The following INO80C variants were observed in gnomAD, a reference collection of about 807,000 sequenced individuals.
The protein encoded by INO80C is IES6 homolog.
INO80C carries 17 observed loss-of-function variants against 17.7 expected under a neutral mutation model. The ratio of observed to expected loss-of-function variants is 0.96; its 90% confidence interval spans 0.66 to 1.44. The LOEUF (loss-of-function observed/expected upper bound fraction) is 1.44, where lower values mean the gene tolerates loss of function less well. Among genes scored for constraint, INO80C ranks in the 40% most tolerant of loss-of-function variants. The pLI, the probability that INO80C is intolerant of heterozygous loss-of-function variation, is 0.00. For synonymous variants in INO80C, 96 were observed against 95.8 expected, an observed-to-expected ratio of 1.00 and a Z score of -0.01; for missense variants, 244 against 245.0, an observed-to-expected ratio of 1.00 and a Z score of 0.03.
intron 4 of INO80C, among the ~76,000 whole-genome samples, chr18:35,472,446 G>C (rs890180671): frequency 7.2e-5 from 11 of 152,136 alleles, no homozygotes; most frequent in African/African-American, 2.7e-4. Context: ...TTTTTGATGG[G>C]GTTGTTTTTT....
intron 4 of INO80C, among the ~76,000 whole-genome samples, chr18:35,477,064 C>A (rs1416306316): frequency 5.3e-5 from 8 of 152,046 alleles, no homozygotes; most frequent in Non-Finnish European, 1.0e-4. Context: ...GCCAACATGG[C>A]AAAACCTCAT....
intron 4 of INO80C, among the ~76,000 whole-genome samples, chr18:35,476,024 C>T (rs1028010706): frequency 2.0e-5 from 3 of 152,116 alleles, no homozygotes; most frequent in Admixed American, 6.5e-5. Flanking sequence ...AGAAGTCCCT[C>T]ACATTATGCA....
intron 2 of INO80C, among the ~76,000 whole-genome samples, chr18:35,480,164 T>A (rs1195978539): frequency 6.6e-6 from 1 of 152,156 alleles, no homozygotes; most frequent in African/African-American, 2.4e-5. Flanking sequence ...TCTAAGATTG[T>A]AAGACCAATG....
chr18:35,470,883 G>A (rs2045661687), intron 4 of INO80C, among the ~76,000 whole-genome samples: 2 of 152,200 alleles, frequency 1.3e-5, no homozygotes, highest in African/African-American at 4.8e-5. Context: ...GCCATCCTTT[G>A]AGCCTGAGTG....
intron 1 of INO80C, among the ~76,000 whole-genome samples, chr18:35,493,030 A>C (rs2045947231): frequency 6.6e-6 from 1 of 152,230 alleles, no homozygotes; most frequent in Admixed American, 6.5e-5. Flanking sequence ...GTTAAGAAAA[A>C]AGAATGTAGA....
At chr18:35,482,575 G>A (rs1258729618) in intron 1 of INO80C, among the ~76,000 whole-genome samples, 3 of 152,066 alleles carry the variant, frequency 2.0e-5, no homozygotes, top group Non-Finnish European at 2.9e-5. Context: ...CTCTGTGGCC[G>A]CCACCTTCTG....
At chr18:35,497,697 G>C (rs772338526) in intron 1 of INO80C, 22 bp downstream of exon 1, 26 of 1,606,904 alleles carry the variant, frequency 1.6e-5, no homozygotes, top group Non-Finnish European at 2.0e-5. Flanking sequence ...CGCACGCGCA[G>C]CCTGGGAGCG....
rs200384433 is a variant in INO80C, at chr18:35,497,816, C to T, written c.59G>A (p.Ser20Asn). ...TTSTPGIVRNSKKRPASPSHN... is the reference protein window; with the variant it reads ...TTSTPGIVRNNKKRPASPSHN... ...GGAAGGGCTGGCCGGCCTCTTCTTG[C>T]TGTTCCGGACTATTCCGGGAGTGGA... The change falls in exon 1 of 5, where the codon AGC (serine) becomes AAC (asparagine). Residue 20 changes from serine to asparagine, a missense_variant. Coordinates refer to ENST00000334598, the MANE Select transcript of INO80C (RefSeq NM_194281.4). 9.7e-5 allele frequency: 157 copies of T among 1,611,324 alleles called. No homozygotes were observed. Among genetic ancestry groups the T allele is most frequent in the Non-Finnish European group, 1.2e-4 (147 of 1,178,686 alleles).
At chr18:35,484,298 T>C (rs1294616308) in intron 1 of INO80C, among the ~76,000 whole-genome samples, 1 of 152,224 alleles carries the variant, frequency 6.6e-6, no homozygotes, top group Non-Finnish European at 1.5e-5. Flanking sequence ...CTCACAGTTT[T>C]CAGTATACAG....
chr18:35,469,931 T>C (rs918731662), intron 4 of INO80C, among the ~76,000 whole-genome samples: 7 of 152,346 alleles, frequency 4.6e-5, no homozygotes, highest in South Asian at 2.1e-4. Context: ...AATTCTCTCT[T>C]GGTCTCTGTT....
At chr18:35,473,365 C>T (rs1328157483) in intron 4 of INO80C, among the ~76,000 whole-genome samples, 1 of 152,198 alleles carries the variant, frequency 6.6e-6, no homozygotes, top group African/African-American at 2.4e-5. Context: ...GTTCCAGGAT[C>T]ATCCAAACTC....
intron 2 of INO80C, among the ~76,000 whole-genome samples, chr18:35,479,650 A>T (rs1246897329): frequency 6.6e-6 from 1 of 152,198 alleles, no homozygotes; most frequent in Non-Finnish European, 1.5e-5. Context: ...GAGTAGAAAT[A>T]AAAGGCTACT....
chr18:35,479,143 A>G, intron 3 of INO80C, 157 bp downstream of exon 3: 1 of 582,580 alleles, frequency 1.7e-6, no homozygotes, highest in Admixed American at 3.2e-5. Flanking sequence ...TTATGAGAAA[A>G]TACACACATA....
In INO80C at chr18:35,497,767, G is replaced by T. The variant is rs747283914; in HGVS notation, c.108C>A (p.Gly36=). The T allele has an allele frequency of 8.7e-6, 14 of 1,612,254 alleles. No individual in the cohort carries two copies. Among genetic ancestry groups the T allele is most frequent in the African/African-American group, 2.7e-5 (2 of 74,810 alleles). ...CTTTTTTCTTCTTACTGGCGCCATA[G>T]CCCCCGCCGCTGCTGCCATTGTGGG... is the stretch of plus-strand genomic sequence containing the variant. ...SPSHNGSSGG[G]YGASKKKKAS... Residue 36 remains glycine, a synonymous_variant, in exon 1 of 5, where the codon GGC becomes GGA. Transcript: ENST00000334598.
At chr18:35,471,514 T>C (rs1454400609) in intron 4 of INO80C, among the ~76,000 whole-genome samples, 1 of 152,248 alleles carries the variant, frequency 6.6e-6, no homozygotes, top group Admixed American at 6.5e-5. Context: ...ATATCCACTG[T>C]GATAGACCTT....
At chr18:35,487,226 G>A (rs1165503476) in intron 1 of INO80C, among the ~76,000 whole-genome samples, 1 of 152,130 alleles carries the variant, frequency 6.6e-6, no homozygotes, top group African/African-American at 2.4e-5. Context: ...CTAACCATGA[G>A]GAAATATCAG....
At chr18:35,476,688 T>C (rs1235768382) in intron 4 of INO80C, among the ~76,000 whole-genome samples, 1 of 152,130 alleles carries the variant, frequency 6.6e-6, no homozygotes, top group Non-Finnish European at 1.5e-5. Context: ...CAACAGTTCT[T>C]AGATTGATAG....
At position 35,484,931 on chromosome 18, in the gene INO80C, T is replaced by C. The variant is rs565121769; in HGVS notation, c.157-4368A>G. On this transcript the variant is annotated intron_variant, in intron 1 of 4. Coordinates refer to ENST00000334598, the MANE Select transcript of INO80C (RefSeq NM_194281.4). Reference sequence around the variant, plus strand: ...TTCAGAGTGCTGTAACAGAATACCATAGATTGGGTGGCTTATATGATAGAA... The same window carrying C: ...TTCAGAGTGCTGTAACAGAATACCACAGATTGGGTGGCTTATATGATAGAA... Among the ~76,000 whole-genome samples, 96 of 152,288 alleles carry C rather than the reference T, an allele frequency of 6.3e-4. 3 individuals carry two copies. In the South Asian group the frequency reaches 0.018, roughly 29 times the overall value.
At position 35,497,911 on chromosome 18, in the gene INO80C, T is replaced by C; in HGVS notation, c.-37A>G. Reference sequence around the variant, plus strand: ...TCTTCCCCTGGTCCCCCCACCTTTTTCCCAGCGCGGGCCTTGGAACTTCCT... The same window carrying C: ...TCTTCCCCTGGTCCCCCCACCTTTTCCCCAGCGCGGGCCTTGGAACTTCCT... On this transcript the variant is annotated 5_prime_UTR_variant, in exon 1 of 5. Coordinates refer to ENST00000334598, the MANE Select transcript of INO80C (RefSeq NM_194281.4). The C allele has an allele frequency of 1.3e-6, 2 of 1,494,470 alleles. No homozygotes were observed. The highest frequency in any genetic ancestry group is 1.8e-6 in the Non-Finnish European group (2 of 1,121,058). 92.6% of individuals were successfully genotyped at this position (1,494,470 alleles called of 1,614,324 possible).
Sources: allele counts gnomAD v4.1 joint callset (sites outside exome capture counted in the v4.1 genomes callset), GRCh38; gene constraint gnomAD v4.1.1; transcripts MANE v1.5; gene names NCBI Gene and HGNC (gene_info 2026-07-23, HGNC 2026-07-21).